The following RASSF10 variants were observed in gnomAD, a reference collection of about 807,000 sequenced individuals.
RASSF10 encodes ras association domain-containing protein 10.
RASSF10 carries 22 observed loss-of-function variants against 41.5 expected under a neutral mutation model. The ratio of observed to expected loss-of-function variants is 0.53; its 90% CI spans 0.38 to 0.76. The LOEUF (loss-of-function observed/expected upper bound fraction) is 0.76. Among genes scored for constraint, RASSF10 ranks in the 30% least tolerant of loss-of-function variants. The pLI is 0.00. For missense variants in RASSF10, 776 were observed against 711.8 expected (o/e 1.09, Z -1.03); for synonymous variants, 364 against 319.0 (o/e 1.14, Z -1.50).
chr11:13,010,502 C>A lies in RASSF10; in HGVS notation c.926C>A (p.Pro309His). 6.6e-7 allele frequency: 1 copy of A among 1,516,196 alleles called. No individual in the cohort carries two copies. Among genetic ancestry groups the A allele is most frequent in the Non-Finnish European group, 8.8e-7 (1 of 1,131,726 alleles). 93.9% of individuals were successfully genotyped at this position (1,516,196 alleles called of 1,614,324 possible). ...GCGGAGGAGGCGGCGGCGGCGCCCC[C>A]TCTAGCCGGCGAGGCGCAGGCGGCG... ...AEAEEAAAAP[P>H]LAGEAQAAAL... The change falls in exon 1 of 1, where the codon CCT (proline) becomes CAT (histidine). Residue 309 changes from proline to histidine, a missense_variant. Coordinates refer to ENST00000529419, the MANE Select transcript of RASSF10 (RefSeq NM_001080521.3). The surrounding 1 kb of genome is among the most constrained non-coding windows in gnomAD (Gnocchi z 4.8).
rs1278559407 is a variant in RASSF10, at chr11:13,011,166, C to G, written c.*66C>G. 7 of 1,252,048 alleles carry G rather than the reference C, an allele frequency of 5.6e-6. No homozygotes were observed. Among genetic ancestry groups the G allele is most frequent in the African/African-American group, 1.5e-5 (1 of 66,428 alleles). 77.6% of individuals were successfully genotyped at this position (1,252,048 alleles called of 1,614,324 possible). A position where few individuals can be genotyped will look rare whatever the true frequency, so the allele number is the denominator to read the frequency against. ...CTTTTTTCTTGCAGAATGCAGTGGG[C>G]CAGCCGGCTCGCGGACTTGAAACCA... On this transcript the variant is annotated 3_prime_UTR_variant, in exon 1 of 1. Coordinates refer to ENST00000529419, the MANE Select transcript of RASSF10 (RefSeq NM_001080521.3).
rs1326583576 is a variant in RASSF10 at position 13,011,972 on chromosome 11, A to G, written c.*872A>G. ...TCAATCACTGTTATTTCAGAAAAAAATAAAAGGAAGTAGCAGAATTCAAGT... is the reference window on the plus strand; with the variant it reads ...TCAATCACTGTTATTTCAGAAAAAAGTAAAAGGAAGTAGCAGAATTCAAGT... On this transcript the variant is annotated 3_prime_UTR_variant, in exon 1 of 1. Coordinates refer to ENST00000529419, the MANE Select transcript of RASSF10 (RefSeq NM_001080521.3). The G allele has an allele frequency of 2.0e-5, 3 of 152,252 alleles. No homozygotes were observed. The highest frequency in any genetic ancestry group is 4.4e-5 in the Non-Finnish European group (3 of 68,046). 9.4% of individuals were successfully genotyped at this position (152,252 alleles called of 1,614,324 possible).
chr11:13,009,834 G>A lies in RASSF10; in HGVS notation c.258G>A (p.Gly86=), dbSNP rs1190005752. The change falls in exon 1 of 1, where the codon GGG becomes GGA. Residue 86 remains glycine (G), a synonymous_variant. Transcript: ENST00000529419. ...DEALPQGMLC[G]PPQCYCIVEK... is the part of the protein sequence containing the mutation. ...CGCTGCCGCAGGGCATGCTGTGCGGGCCCCCGCAGTGCTATTGCATCGTGG... is the reference window on the plus strand; with the variant it reads ...CGCTGCCGCAGGGCATGCTGTGCGGACCCCCGCAGTGCTATTGCATCGTGG... 4.4e-5 allele frequency: 71 copies of A among 1,606,646 alleles called. 2 individuals carry two copies. The South Asian group carries it at 5.9e-4, about 13-fold the overall frequency.
rs1049415274 is a variant in RASSF10 at position 13,011,327 on chromosome 11, G to A, written c.*227G>A. The A allele has an allele frequency of 1.6e-5, 8 of 497,538 alleles. No homozygotes were observed. The highest frequency in any genetic ancestry group is 2.9e-5 in the Non-Finnish European group (8 of 280,430). The allele number at this position is 497,538 out of a possible 1,614,324, so 30.8% of individuals were successfully genotyped here. ...CTCAATACAAGCTCATTAAAGAGAG[G>A]GAAGGAGGGAGGAGGCAAGAACCCC... On this transcript the variant is annotated 3_prime_UTR_variant, in exon 1 of 1. Coordinates refer to ENST00000529419, the MANE Select transcript of RASSF10 (RefSeq NM_001080521.3).
In RASSF10 at chr11:13,011,243, CG is replaced by C; in HGVS notation, c.*144del. The C allele has an allele frequency of 1.5e-6, 1 of 670,836 alleles. No individual in the cohort carries two copies. Among genetic ancestry groups the C allele is most frequent in the Non-Finnish European group, 2.5e-6 (1 of 402,042 alleles). 41.6% of individuals were successfully genotyped at this position (670,836 alleles called of 1,614,324 possible). On this transcript the variant is annotated 3_prime_UTR_variant, in exon 1 of 1. Transcript: ENST00000529419. ...TGGGCAGCAGCGCTCTGCGCAGCCT[CG>C]CGCTCATCTGGCTCCGGGGTGAGTG...
Position 13,009,915 on chromosome 11 carries a change from C to T in RASSF10, c.339C>T (p.Leu113=). The T allele has an allele frequency of 4.4e-6, 7 of 1,599,076 alleles. No individual in the cohort carries two copies. The highest frequency in any genetic ancestry group is 5.1e-6 in the Non-Finnish European group (6 of 1,172,940). ...CCAACAAGACGCGCATCTTGCGCCTCTGGGCTGCCTGGGGCGAAGAGCAAG... is the reference window on the plus strand; with the variant it reads ...CCAACAAGACGCGCATCTTGCGCCTTTGGGCTGCCTGGGGCGAAGAGCAAG... ...ILPNKTRILR[L]WAAWGEEQEN... is the part of the protein sequence containing the mutation. The change falls in exon 1 of 1, where the codon CTC becomes CTT. Residue 113 remains leucine (L), a synonymous_variant. Coordinates refer to ENST00000529419, the MANE Select transcript of RASSF10 (RefSeq NM_001080521.3).
rs764790192 is a variant in RASSF10, at chr11:13,010,065, G to A, written c.489G>A (p.Arg163=). 6.5e-7 allele frequency: 1 copy of A among 1,547,748 alleles called. No homozygotes were observed. The highest frequency in any genetic ancestry group is 8.7e-7 in the Non-Finnish European group (1 of 1,145,268). Residue 163 remains arginine (R), a synonymous_variant, in exon 1 of 1, where the codon CGG becomes CGA. Transcript: ENST00000529419. This position sits in a 1 kb window ranked among gnomAD's most constrained non-coding sequence, Gnocchi z 4.8. ...GTCCGGCCCGCGGGGCCCCGGCGCG[G>A]CCCAGCCTGGCCATGACCCAGGAGA... ...RPCPARGAPA[R]PSLAMTQEKQ...
Position 13,010,673 on chromosome 11 carries a change from T to C in RASSF10, c.1097T>C (p.Leu366Pro), listed in dbSNP as rs1397098943. 6.3e-7 allele frequency: 1 copy of C among 1,591,158 alleles called. No homozygotes were observed. Among genetic ancestry groups the C allele is most frequent in the African/African-American group, 1.3e-5 (1 of 74,614 alleles). ...QRWMRRRQEE[L>P]AAREEPLEPD... ...TGGATGCGACGGCGCCAGGAGGAGCTGGCGGCGCGGGAGGAGCCCCTGGAG... is the reference window on the plus strand; with the variant it reads ...TGGATGCGACGGCGCCAGGAGGAGCCGGCGGCGCGGGAGGAGCCCCTGGAG... Residue 366 changes from leucine (L) to proline (P), a missense_variant, in exon 1 of 1, where the codon CTG (leucine) becomes CCG (proline). Physicochemically the swap from Leu to Pro is moderately conservative, Grantham distance 98. Coordinates refer to ENST00000529419, the MANE Select transcript of RASSF10 (RefSeq NM_001080521.3). The surrounding 1 kb of genome is among the most constrained non-coding windows in gnomAD (Gnocchi z 4.8).
At position 13,010,665 on chromosome 11, in the gene RASSF10, G is replaced by A; in HGVS notation, c.1089G>A (p.Gln363=). ...ACCAGAGGTGGATGCGACGGCGCCAGGAGGAGCTGGCGGCGCGGGAGGAGC... is the reference window on the plus strand; with the variant it reads ...ACCAGAGGTGGATGCGACGGCGCCAAGAGGAGCTGGCGGCGCGGGAGGAGC... ...ELNQRWMRRR[Q]EELAAREEPL... is the part of the protein sequence containing the mutation. The change falls in exon 1 of 1, where the codon CAG becomes CAA. Residue 363 remains glutamine, a synonymous_variant. Coordinates refer to ENST00000529419, the MANE Select transcript of RASSF10 (RefSeq NM_001080521.3). The surrounding 1 kb of genome is among the most constrained non-coding windows in gnomAD (Gnocchi z 4.8). The A allele has an allele frequency of 6.3e-7, 1 of 1,592,138 alleles. No individual in the cohort carries two copies. Among genetic ancestry groups the A allele is most frequent in the Non-Finnish European group, 8.5e-7 (1 of 1,170,154 alleles).
At position 13,010,536 on chromosome 11, in the gene RASSF10, G is replaced by A; in HGVS notation, c.960G>A (p.Glu320=). The A allele has an allele frequency of 6.5e-7, 1 of 1,528,542 alleles. No homozygotes were observed. The highest frequency in any genetic ancestry group is 8.8e-7 in the Non-Finnish European group (1 of 1,136,416). 94.7% of individuals were successfully genotyped at this position (1,528,542 alleles called of 1,614,324 possible). A position where few individuals can be genotyped will look rare whatever the true frequency, so the allele number is the denominator to read the frequency against. ...GCGAGGCGCAGGCGGCGGCGCTGGA[G>A]GAGCTGGCCCGGCGCTGCGACGACT... The part of the protein sequence containing the change: ...LAGEAQAAAL[E]ELARRCDDLL... The change falls in exon 1 of 1, where the codon GAG becomes GAA. Residue 320 remains glutamate (E), a synonymous_variant. Coordinates refer to ENST00000529419, the MANE Select transcript of RASSF10 (RefSeq NM_001080521.3). The surrounding 1 kb of genome is among the most constrained non-coding windows in gnomAD (Gnocchi z 4.8).
In RASSF10 at chr11:13,010,349, C is replaced by T; in HGVS notation, c.773C>T (p.Ala258Val). The change falls in exon 1 of 1, where the codon GCC becomes GTC. Residue 258 changes from alanine (A) to valine (V), a missense_variant. Physicochemically the swap from Ala to Val is moderately conservative, Grantham distance 64. Coordinates refer to ENST00000529419, the MANE Select transcript of RASSF10 (RefSeq NM_001080521.3). This position sits in a 1 kb window ranked among gnomAD's most constrained non-coding sequence, Gnocchi z 4.8. ...ELDREIDHYEAKVHLDRMRRH... is the reference protein window; with the variant it reads ...ELDREIDHYEVKVHLDRMRRH... ...GACCGCGAGATCGATCACTACGAGG[C>T]CAAGGTGCACCTGGACCGCATGCGG... 6.4e-7 allele frequency: 1 copy of T among 1,551,460 alleles called. No individual in the cohort carries two copies.
chr11:13,010,516 G>T lies in RASSF10; in HGVS notation c.940G>T (p.Ala314Ser). ...AAAAPPLAGE[A>S]QAAALEELAR... ...GGCGGCGCCCCCTCTAGCCGGCGAG[G>T]CGCAGGCGGCGGCGCTGGAGGAGCT... The change falls in exon 1 of 1, where the codon GCG (alanine) becomes TCG (serine). Residue 314 changes from alanine (A) to serine (S), a missense_variant. Transcript: ENST00000529419. This position sits in a 1 kb window ranked among gnomAD's most constrained non-coding sequence, Gnocchi z 4.8. 6.6e-7 allele frequency: 1 copy of T among 1,516,396 alleles called. No individual in the cohort carries two copies. The highest frequency in any genetic ancestry group is 8.8e-7 in the Non-Finnish European group (1 of 1,132,056). The allele number at this position is 1,516,396 out of a possible 1,614,324, so 93.9% of individuals were successfully genotyped here.
At position 13,009,824 on chromosome 11, in the gene RASSF10, T is replaced by A. The variant is rs752181871; in HGVS notation, c.248T>A (p.Met83Lys). 1.2e-6 allele frequency: 2 copies of A among 1,607,322 alleles called. No individual in the cohort carries two copies. Residue 83 changes from methionine to lysine, a missense_variant, in exon 1 of 1, where the codon ATG becomes AAG. Met to Lys is a moderately conservative substitution (Grantham distance 95). Transcript: ENST00000529419. ...EDDDEALPQG[M>K]LCGPPQCYCI... ...GACGACGAGGCGCTGCCGCAGGGCA[T>A]GCTGTGCGGGCCCCCGCAGTGCTAT...
In RASSF10 at chr11:13,009,991, G is replaced by A; in HGVS notation, c.415G>A (p.Gly139Ser). 1.3e-6 allele frequency: 2 copies of A among 1,545,820 alleles called. No homozygotes were observed. Among genetic ancestry groups the A allele is most frequent in the Admixed American group, 2.0e-5 (1 of 50,992 alleles). ...VRSEASLPNA[G>S]PRSAEARVVL... Reference sequence around the variant, plus strand: ...CAGCGAGGCATCGCTGCCTAACGCCGGCCCCCGCAGCGCCGAGGCGCGCGT... The same window carrying A: ...CAGCGAGGCATCGCTGCCTAACGCCAGCCCCCGCAGCGCCGAGGCGCGCGT... The change falls in exon 1 of 1, where the codon GGC (glycine) becomes AGC (serine). Residue 139 changes from glycine (G) to serine (S), a missense_variant. Gly to Ser is a moderately conservative substitution (Grantham distance 56). Transcript: ENST00000529419.
At position 13,011,078 on chromosome 11, in the gene RASSF10, C is replaced by A. The variant is rs765704972; in HGVS notation, c.1502C>A (p.Pro501His). The change falls in exon 1 of 1, where the codon CCC (proline) becomes CAC (histidine). Residue 501 changes from proline (P) to histidine (H), a missense_variant. By Grantham distance (77) the Pro-to-His change is moderately conservative. Coordinates refer to ENST00000529419, the MANE Select transcript of RASSF10 (RefSeq NM_001080521.3). ...SMHSQDSDSL[P>H]MCESLV The stretch of plus-strand genomic sequence containing the variant: ...CATAGCCAAGACTCGGACTCCTTGC[C>A]CATGTGCGAATCCCTTGTGTAGGGG... The A allele has an allele frequency of 5.1e-6, 8 of 1,556,208 alleles. No homozygotes were observed. Among genetic ancestry groups the A allele is most frequent in the Middle Eastern group, 3.4e-4 (2 of 5,846 alleles).
In RASSF10 at chr11:13,010,408, T is replaced by A. The variant is rs527416512; in HGVS notation, c.832T>A (p.Leu278Met). The change falls in exon 1 of 1, where the codon TTG becomes ATG. Residue 278 changes from leucine (L) to methionine (M), a missense_variant. Leu to Met is a conservative substitution (Grantham distance 15, BLOSUM62 2). Coordinates refer to ENST00000529419, the MANE Select transcript of RASSF10 (RefSeq NM_001080521.3). The surrounding 1 kb of genome is among the most constrained non-coding windows in gnomAD (Gnocchi z 4.8). ...GGTCAACTACGTGCAGGACACTTAC[T>A]TGGTTGGGGCAGGCATCGAGCTCGA... ...HGVNYVQDTY[L>M]VGAGIELDGS... The A allele has an allele frequency of 4.5e-5, 70 of 1,549,270 alleles. 1 individual carries two copies. In the Admixed American group the frequency reaches 1.0e-3, roughly 23 times the overall value.
Position 13,011,181 on chromosome 11 carries a change from A to G in RASSF10, c.*81A>G. ...ATGCAGTGGGCCAGCCGGCTCGCGG[A>G]CTTGAAACCAGGCTGTTGCGAGCCC... On this transcript the variant is annotated 3_prime_UTR_variant, in exon 1 of 1. Coordinates refer to ENST00000529419, the MANE Select transcript of RASSF10 (RefSeq NM_001080521.3). The G allele has an allele frequency of 8.5e-7, 1 of 1,173,450 alleles. No individual in the cohort carries two copies. Among genetic ancestry groups the G allele is most frequent in the South Asian group, 1.6e-5 (1 of 63,168 alleles). 72.7% of individuals were successfully genotyped at this position (1,173,450 alleles called of 1,614,324 possible).
rs377176908 is a variant in RASSF10 at position 13,010,582 on chromosome 11, C to A, written c.1006C>A (p.Arg336=). 8.3e-6 allele frequency: 13 copies of A among 1,566,368 alleles called. No individual in the cohort carries two copies. Among genetic ancestry groups the A allele is most frequent in the South Asian group, 2.3e-5 (2 of 85,304 alleles). Residue 336 remains arginine, a synonymous_variant, in exon 1 of 1, where the codon CGG becomes AGG. Coordinates refer to ENST00000529419, the MANE Select transcript of RASSF10 (RefSeq NM_001080521.3). The surrounding 1 kb of genome is among the most constrained non-coding windows in gnomAD (Gnocchi z 4.8). The part of the protein sequence containing the change: ...CDDLLRLQEQ[R]VQQEELLERL... ...CGACTTGCTGCGGCTTCAGGAGCAA[C>A]GGGTTCAGCAGGAGGAGTTGCTGGA...
chr11:13,009,983 C>T lies in RASSF10; in HGVS notation c.407C>T (p.Pro136Leu), dbSNP rs1353902088. Residue 136 changes from proline (P) to leucine (L), a missense_variant, in exon 1 of 1, where the codon CCT becomes CTT. By Grantham distance (98) the Pro-to-Leu change is moderately conservative. Transcript: ENST00000529419. ...FVLVRSEASL[P>L]NAGPRSAEAR... Reference sequence around the variant, plus strand: ...CTAGTGCGCAGCGAGGCATCGCTGCCTAACGCCGGCCCCCGCAGCGCCGAG... The same window carrying T: ...CTAGTGCGCAGCGAGGCATCGCTGCTTAACGCCGGCCCCCGCAGCGCCGAG... 7 of 1,548,562 alleles carry T rather than the reference C, an allele frequency of 4.5e-6. No individual in the cohort carries two copies. Among genetic ancestry groups the T allele is most frequent in the Non-Finnish European group, 6.1e-6 (7 of 1,145,434 alleles).
Sources: gnomAD v4.1 joint callset for allele counts on GRCh38, gnomAD v4.1.1 for gene constraint, Gnocchi (gnomAD v3.1) non-coding constraint, MANE v1.5 for transcripts, NCBI Gene and HGNC (gene_info 2026-07-23, HGNC 2026-07-21) for gene names.